The following PRKDC variants were observed in gnomAD, a reference collection of about 807,000 sequenced individuals.
The protein encoded by PRKDC is DNA-dependent protein kinase catalytic subunit.
In PRKDC, 82 loss-of-function variants were observed where a neutral mutation model predicts 486.9. The observed-to-expected ratio is 0.17, with a 90% CI of 0.14 to 0.20. The LOEUF is 0.20. Ranked by LOEUF, PRKDC falls within the 10% of genes least tolerant of loss-of-function variation. The probability of loss-of-function intolerance (pLI) is 1.00; values close to 1 mark genes in which losing one functional copy is unlikely to be tolerated. For missense variants in PRKDC, 4,504 were observed against 5,038.2 expected (o/e 0.89, Z 3.21); for synonymous variants, 1,895 against 1,837.0 (o/e 1.03, Z -0.81).
intron 34 of PRKDC, among the ~76,000 whole-genome samples, chr8:47,887,949 A>G (rs1589767466): frequency 6.6e-6 from 1 of 152,256 alleles, no homozygotes; most frequent in African/African-American, 2.4e-5. Context: ...TCAGGCTTCC[A>G]AGCTCAAGCA....
intron 46 of PRKDC, 142 bp downstream of exon 46, chr8:47,859,469 A>T (rs2088622825): frequency 4.9e-6 from 5 of 1,022,040 alleles, no homozygotes; most frequent in Non-Finnish European, 7.1e-6. Flanking sequence ...TAGATCTTGG[A>T]AAATTCTCCA....
chr8:47,928,845 C>T (rs1319150548), intron 19 of PRKDC, among the ~76,000 whole-genome samples: 1 of 152,128 alleles, frequency 6.6e-6, no homozygotes, highest in East Asian at 1.9e-4. Flanking sequence ...GCGTGCACCA[C>T]CACGCCTGGC....
intron 80 of PRKDC, among the ~76,000 whole-genome samples, chr8:47,780,107 G>T (rs2086674048): frequency 6.6e-6 from 1 of 151,102 alleles, no homozygotes; most frequent in East Asian, 1.9e-4. Flanking sequence ...TAGAGACAGG[G>T]TTTTGCCATG....
In PRKDC at chr8:47,782,273, G is replaced by T. The variant is rs191665678; in HGVS notation, c.11397-19C>A. On this transcript the variant is annotated intron_variant, in intron 79 of 85. Coordinates refer to ENST00000314191, the MANE Select transcript of PRKDC (RefSeq NM_006904.7). This position sits in a 1 kb window ranked among gnomAD's most constrained non-coding sequence, Gnocchi z 4.9. The stretch of plus-strand genomic sequence containing the variant: ...TCCTAACCTGAAAGGGAGAATAAAA[G>T]GTTAACGAGTAAACCCAAACTGCTC... 6.2e-7 allele frequency: 1 copy of T among 1,612,752 alleles called. No individual in the cohort carries two copies. Among genetic ancestry groups the T allele is most frequent in the East Asian group, 2.2e-5 (1 of 44,864 alleles).
intron 40 of PRKDC, among the ~76,000 whole-genome samples, chr8:47,869,987 T>G (rs1333873619): frequency 6.6e-6 from 1 of 152,208 alleles, no homozygotes; most frequent in Non-Finnish European, 1.5e-5. Flanking sequence ...GGACTTTGTT[T>G]TGCAGCTTGG....
chr8:47,917,309 T>C (rs2090002149), intron 22 of PRKDC, among the ~76,000 whole-genome samples: 1 of 152,170 alleles, frequency 6.6e-6, no homozygotes, highest in Admixed American at 6.5e-5. Flanking sequence ...AAACTAGAGA[T>C]ATATTTATTT....
At chr8:47,894,568 G>C (rs965075884) in intron 30 of PRKDC, among the ~76,000 whole-genome samples, 2 of 152,036 alleles carry the variant, frequency 1.3e-5, no homozygotes, top group African/African-American at 4.8e-5. Flanking sequence ...CTTCTTCCTT[G>C]GTCTCCACCG....
At chr8:47,808,595 C>A (rs1034838240) in intron 68 of PRKDC, among the ~76,000 whole-genome samples, 1 of 152,168 alleles carries the variant, frequency 6.6e-6, no homozygotes, top group African/African-American at 2.4e-5. Context: ...CTGCCTCAGC[C>A]TCCCAAGAAG....
chr8:47,912,260 G>A (rs1300435184), intron 25 of PRKDC, 150 bp downstream of exon 25: 11 of 819,904 alleles, frequency 1.3e-5, no homozygotes, highest in Non-Finnish European at 1.9e-5. Flanking sequence ...TCATGCCCAT[G>A]ACCAATTAAA....
Position 47,777,831 on chromosome 8 carries a change from T to A in PRKDC, c.11897A>T (p.Gln3966Leu). Residue 3966 changes from glutamine (Q) to leucine (L), a missense_variant, in exon 84 of 86, where the codon CAG (glutamine) becomes CTG (leucine). This residue lies in a region of PRKDC where 706 missense variants were observed against 945.0 expected (regional missense o/e 0.75). Coordinates refer to ENST00000314191, the MANE Select transcript of PRKDC (RefSeq NM_006904.7). ...PELMPFRLTR[Q>L]FINLMLPMKE... ...CATTGGTAACATCAGATTGATAAAC[T>A]GGCGAGTTAGCCGAAAAGGCATCAA... 1 of 1,613,946 alleles carries A rather than the reference T, an allele frequency of 6.2e-7. No homozygotes were observed. Among genetic ancestry groups the A allele is most frequent in the Non-Finnish European group, 8.5e-7 (1 of 1,179,880 alleles).
At chr8:47,956,225 G>A (rs764095428) in intron 3 of PRKDC, among the ~76,000 whole-genome samples, 3 of 152,096 alleles carry the variant, frequency 2.0e-5, no homozygotes, top group Non-Finnish European at 2.9e-5. Flanking sequence ...AGCCAGGTAC[G>A]GTGGTGCACG....
chr8:47,959,164 G>A (rs1303911440), intron 1 of PRKDC: 1 of 152,056 alleles, frequency 6.6e-6, no homozygotes, highest in Admixed American at 6.6e-5. Flanking sequence ...TTTTAAAGAA[G>A]GAATACAGGA....
rs892858756 is a variant in PRKDC, at chr8:47,782,322, C to G, written c.11396+56G>C. On this transcript the variant is annotated intron_variant, in intron 79 of 85. Transcript: ENST00000314191. This position sits in a 1 kb window ranked among gnomAD's most constrained non-coding sequence, Gnocchi z 4.9. ...TCTTTCTTCACTAGAAAAACAGTCC[C>G]GTGGACGCCAAGCAATATGCAGCAG... 9 of 1,610,762 alleles carry G rather than the reference C, an allele frequency of 5.6e-6. No homozygotes were observed. Among genetic ancestry groups the G allele is most frequent in the African/African-American group, 4.0e-5 (3 of 74,876 alleles).
chr8:47,926,003 A>G (rs976116909), intron 21 of PRKDC, among the ~76,000 whole-genome samples: 1 of 152,194 alleles, frequency 6.6e-6, no homozygotes. Flanking sequence ...TTATCGAATC[A>G]TCTAGATAGG....
At chr8:47,951,364 A>G (rs1406577773) in intron 7 of PRKDC, among the ~76,000 whole-genome samples, 1 of 151,600 alleles carries the variant, frequency 6.6e-6, no homozygotes, top group Non-Finnish European at 1.5e-5. Flanking sequence ...CTGTCTCAGA[A>G]AAAAAAAAGA....
At chr8:47,825,955 T>C (rs2087729864) in intron 63 of PRKDC, among the ~76,000 whole-genome samples, 1 of 152,232 alleles carries the variant, frequency 6.6e-6, no homozygotes, top group East Asian at 1.9e-4. Context: ...GTCTCTTTGG[T>C]GCCTGGCACA....
In PRKDC at chr8:47,860,985, C is replaced by A; in HGVS notation, c.5986-14G>T. Reference sequence around the variant, plus strand: ...TTCCATAGGAACCTATTGGGAAGAACAAATAAACAATGTAAAACATTTTAT... The same window carrying A: ...TTCCATAGGAACCTATTGGGAAGAAAAAATAAACAATGTAAAACATTTTAT... On this transcript the variant is annotated splice_polypyrimidine_tract_variant and intron_variant, in intron 44 of 85. Coordinates refer to ENST00000314191, the MANE Select transcript of PRKDC (RefSeq NM_006904.7). The A allele has an allele frequency of 6.5e-7, 1 of 1,529,128 alleles. No individual in the cohort carries two copies. The highest frequency in any genetic ancestry group is 2.3e-5 in the East Asian group (1 of 43,668). 94.7% of individuals were successfully genotyped at this position (1,529,128 alleles called of 1,614,324 possible).
At chr8:47,823,101 C>T (rs926783093) in intron 64 of PRKDC, among the ~76,000 whole-genome samples, 1 of 151,942 alleles carries the variant, frequency 6.6e-6, no homozygotes, top group Non-Finnish European at 1.5e-5. Context: ...CTTTGGGAGG[C>T]CCAGGCATGA....
intron 3 of PRKDC, 52 bp downstream of exon 3, chr8:47,957,119 T>C: frequency 8.0e-7 from 1 of 1,244,302 alleles, no homozygotes; most frequent in Non-Finnish European, 1.1e-6. Flanking sequence ...ACACCATAAG[T>C]TAAAACAGAT....
Sources: allele counts gnomAD v4.1 joint callset (sites outside exome capture counted in the v4.1 genomes callset), GRCh38; gene constraint gnomAD v4.1.1; regional missense constraint gnomAD v4.1.1; non-coding constraint Gnocchi (gnomAD v3.1); transcripts MANE v1.5; gene names NCBI Gene and HGNC (gene_info 2026-07-23, HGNC 2026-07-21).